Variants in F9 observed in about 807,000 individuals in gnomAD.
F9 encodes the protein coagulation factor IX.
In F9, 2 loss-of-function variants were observed where a neutral mutation model predicts 34.1. The observed-to-expected ratio is 0.06, with a 90% CI of 0.02 to 0.18. The LOEUF is 0.18. Ranked by LOEUF, F9 falls within the 10% of genes least tolerant of loss-of-function variation. F9 has a pLI of 1.00. For missense variants in F9, 216 were observed against 345.1 expected (o/e 0.63, Z 2.96); for synonymous variants, 137 against 118.8 (o/e 1.15, Z -1.00).
chrX:139,556,248 TACCGATAGTTA>T, intron 6 of F9, among the ~76,000 whole-genome samples: 1 of 112,421 alleles, frequency 8.9e-6, no homozygotes, highest in East Asian at 2.8e-4. Context: ...CATATGCATT[TACCGATAGTTA>T]ACCGTATTAA....
chrX:139,543,140 A>G (rs752848271), intron 4 of F9, among the ~76,000 whole-genome samples: 1 of 109,451 alleles, frequency 9.1e-6, no homozygotes, highest in South Asian at 4.0e-4. Context: ...TTTGTCTTAT[A>G]AGGTCTTGAA....
intron 7 of F9, among the ~76,000 whole-genome samples, chrX:139,561,176 C>T (rs955049243): frequency 9.0e-6 from 1 of 111,513 alleles, no homozygotes; most frequent in Non-Finnish European, 1.9e-5. Context: ...AGCAGGTCCT[C>T]AGAAAACAAA....
intron 3 of F9, among the ~76,000 whole-genome samples, chrX:139,540,364 G>A (rs1322045388): frequency 8.9e-6 from 1 of 112,148 alleles, no homozygotes; most frequent in Non-Finnish European, 1.9e-5. Context: ...CATAACCAAT[G>A]CATACATAAA....
At chrX:139,532,930 G>A (rs1927376060) in intron 1 of F9, among the ~76,000 whole-genome samples, 1 of 111,321 alleles carries the variant, frequency 9.0e-6, no homozygotes, top group African/African-American at 3.3e-5. Flanking sequence ...ACAATAAAAT[G>A]CAATATGGAG....
At chrX:139,548,252 A>AT in intron 4 of F9, 111 bp from the exon 5 acceptor site, 14 of 855,407 alleles carry the variant, frequency 1.6e-5, no homozygotes, top group Non-Finnish European at 2.0e-5. Context: ...TATTGGGGGC[A>AT]ACATGAATGC....
chrX:139,560,449 G>GA (rs746573258), intron 6 of F9, among the ~76,000 whole-genome samples: 1 of 111,962 alleles, frequency 8.9e-6, no homozygotes, highest in Admixed American at 9.5e-5. Context: ...GACTCATGGG[G>GA]AAAAAATCCA....
chrX:139,551,994 A>G (rs933612891), intron 6 of F9, among the ~76,000 whole-genome samples: 1 of 110,940 alleles, frequency 9.0e-6, no homozygotes, highest in African/African-American at 3.3e-5. Context: ...GTTTGAGACC[A>G]GCCTGGGCAA....
In F9 at chrX:139,561,803, G is replaced by A; in HGVS notation, c.1118G>A (p.Arg373Lys). The change falls in exon 8 of 8, where the codon AGA becomes AAA. Residue 373 changes from arginine to lysine, a missense_variant. Around this residue, in one of 2 missense-constraint regions of F9, gnomAD observed 177 missense variants for 311.8 expected, o/e 0.57. Coordinates refer to ENST00000218099, the MANE Select transcript of F9 (RefSeq NM_000133.4). ...TCAGCTTTAGTTCTTCAGTACCTTA[G>A]AGTTCCACTTGTTGACCGAGCCACA... ...GRSALVLQYLRVPLVDRATCL... is the reference protein window; with the variant it reads ...GRSALVLQYLKVPLVDRATCL... The A allele has an allele frequency of 8.3e-7, 1 of 1,211,956 alleles. No individual in the cohort carries two copies. Among genetic ancestry groups the A allele is most frequent in the Admixed American group, 2.2e-5 (1 of 46,057 alleles).
chrX:139,532,055 G>C (rs1927355014), intron 1 of F9, among the ~76,000 whole-genome samples: 1 of 111,993 alleles, frequency 8.9e-6, no homozygotes, highest in Non-Finnish European at 1.9e-5. Context: ...GGTTGTAAGA[G>C]GGCTTCTGCC....
intron 1 of F9, 71 bp from the exon 2 acceptor site, chrX:139,536,939 T>C: frequency 9.5e-7 from 1 of 1,049,251 alleles, no homozygotes; most frequent in East Asian, 3.0e-5. Context: ...AAAGACTTTC[T>C]TAAGAGATGT....
At chrX:139,536,855 A>C (rs1015838157) in intron 1 of F9, among the ~76,000 whole-genome samples, 155 bp from the exon 2 acceptor site, 7 of 112,621 alleles carry the variant, frequency 6.2e-5, no homozygotes, top group Non-Finnish European at 1.3e-4. Context: ...TGTATACAGT[A>C]CTGTGGGAAC....
Position 139,561,925 on chromosome X carries a change from C to T in F9, c.1240C>T (p.Pro414Ser), listed in dbSNP as rs137852265. Residue 414 changes from proline (P) to serine (S), a missense_variant, in exon 8 of 8, where the codon CCC (proline) becomes TCC (serine). Physicochemically the swap from Pro to Ser is moderately conservative, Grantham distance 74. Coordinates refer to ENST00000218099, the MANE Select transcript of F9 (RefSeq NM_000133.4). ...TTCATGTCAAGGAGATAGTGGGGGA[C>T]CCCATGTTACTGAAGTGGAAGGGAC... ...RDSCQGDSGG[P>S]HVTEVEGTSF... 1 of 1,211,540 alleles carries T rather than the reference C, an allele frequency of 8.3e-7. No homozygotes were observed. Among genetic ancestry groups the T allele is most frequent in the South Asian group, 1.8e-5 (1 of 56,953 alleles).
intron 6 of F9, among the ~76,000 whole-genome samples, chrX:139,559,262 AAG>A (rs1412875803): frequency 8.9e-6 from 1 of 112,462 alleles, no homozygotes. Flanking sequence ...CAGCTAGAAA[AAG>A]AGGGAAATGG....
At chrX:139,537,235 A>T in intron 2 of F9, 62 bp downstream of exon 2, 1 of 1,159,105 alleles carries the variant, frequency 8.6e-7, no homozygotes. Context: ...CTTTAAAAAG[A>T]CACTTCTCTT....
Position 139,537,168 on chromosome X carries a change from A to G in F9, c.247A>G (p.Arg83Gly), listed in dbSNP as rs1603264251. 1 of 1,209,918 alleles carries G rather than the reference A, an allele frequency of 8.3e-7. No individual in the cohort carries two copies. Among genetic ancestry groups the G allele is most frequent in the African/African-American group, 1.7e-5 (1 of 57,840 alleles). Residue 83 changes from arginine (R) to glycine (G), a missense_variant, in exon 2 of 8, where the codon AGA becomes GGA. Physicochemically the swap from Arg to Gly is moderately radical, Grantham distance 125 (BLOSUM62 -2). Transcript: ENST00000218099. ...ACGAGAAGTTTTTGAAAACACTGAA[A>G]GAACAGTGAGTATTTCCACATAATA... ...EAREVFENTE[R>G]TTEFWKQYVD...
At position 139,532,439 on chromosome X, in the gene F9, T is replaced by C. The variant is rs753354784; in HGVS notation, c.88+1587T>C. Among the ~76,000 whole-genome samples the C allele has an allele frequency of 3.6e-5, 4 of 112,048 alleles. No homozygotes were observed. In the East Asian group the frequency reaches 1.1e-3, roughly 31 times the overall value. On this transcript the variant is annotated intron_variant, in intron 1 of 7. Transcript: ENST00000218099. ...GAATTTTGAAATTAAAACAGTTCTG[T>C]AAAACCAGTTTAGTTTTGTAAAGTG...
chrX:139,560,313 A>C, intron 6 of F9, among the ~76,000 whole-genome samples: 1 of 112,034 alleles, frequency 8.9e-6, no homozygotes, highest in Non-Finnish European at 1.9e-5. Context: ...ACATGTAGCA[A>C]AAAAAATTTC....
At chrX:139,530,901 T>C (rs1440885112) in intron 1 of F9, 49 bp downstream of exon 1, 11 of 982,258 alleles carry the variant, frequency 1.1e-5, no homozygotes, top group East Asian at 3.1e-5. Context: ...CTTTTAGATA[T>C]AGAAATATCT....
In F9 at chrX:139,530,862, C is replaced by G. The variant is rs1603263402; in HGVS notation, c.88+10C>G. On this transcript the variant is annotated intron_variant, in intron 1 of 7. Coordinates refer to ENST00000218099, the MANE Select transcript of F9 (RefSeq NM_000133.4). The stretch of plus-strand genomic sequence containing the variant: ...AGTGCTGAATGTACAGGTTTGTTTC[C>G]TTTTTTAAAATACATTGAGTATGCT... 1 of 1,169,012 alleles carries G rather than the reference C, an allele frequency of 8.6e-7. No homozygotes were observed. The highest frequency in any genetic ancestry group is 2.2e-5 in the Admixed American group (1 of 45,921).
Sources: gnomAD v4.1 joint callset for allele counts (sites outside exome capture counted in the v4.1 genomes callset) on GRCh38, gnomAD v4.1.1 for gene constraint, gnomAD v4.1.1 regional missense constraint, MANE v1.5 for transcripts, NCBI Gene and HGNC (gene_info 2026-07-23, HGNC 2026-07-21) for gene names.